The following CACNA1E variants were observed in gnomAD, a reference collection of about 807,000 sequenced individuals.
The protein encoded by CACNA1E is calcium voltage-gated channel subunit alpha1 E.
In CACNA1E, 40 loss-of-function variants were observed where a neutral mutation model predicts 259.2. The observed-to-expected ratio is 0.15, with a 90% confidence interval of 0.12 to 0.20. The LOEUF (loss-of-function observed/expected upper bound fraction) is 0.20. CACNA1E is among the 10% of genes least tolerant of loss of function. The probability of loss-of-function intolerance (pLI) is 1.00; values close to 1 mark genes in which losing one functional copy is unlikely to be tolerated. For synonymous variants in CACNA1E, 1,104 were observed against 1,138.5 expected, an observed-to-expected ratio of 0.97 and a Z score of 0.61; for missense variants, 1,874 against 3,040.1, an observed-to-expected ratio of 0.62 and a Z score of 9.02.
At chr1:181,716,339 C>A (rs373458375) in intron 10 of CACNA1E, among the ~76,000 whole-genome samples, 16 of 149,192 alleles carry the variant, frequency 1.1e-4, no homozygotes, top group Admixed American at 2.7e-4. Context: ...TTTATTCACA[C>A]GAAACATGGG....
intron 6 of CACNA1E, among the ~76,000 whole-genome samples, chr1:181,641,385 T>G (rs1657731559): frequency 6.6e-6 from 1 of 152,220 alleles, no homozygotes; most frequent in Non-Finnish European, 1.5e-5. Context: ...ATCTGATCCT[T>G]CAGGTCTTAC....
chr1:181,585,487 A>G (rs191892366), intron 6 of CACNA1E, among the ~76,000 whole-genome samples: 3 of 152,370 alleles, frequency 2.0e-5, no homozygotes, highest in Admixed American at 6.5e-5. Flanking sequence ...CCCGGCCCTC[A>G]TGGAACTTAT....
chr1:181,798,941 G>A lies in CACNA1E; in HGVS notation c.*107G>A. On this transcript the variant is annotated 3_prime_UTR_variant, in exon 48 of 48. Coordinates refer to ENST00000367573, the MANE Select transcript of CACNA1E (RefSeq NM_001205293.3). The surrounding 1 kb of genome is among the most constrained non-coding windows in gnomAD (Gnocchi z 4.2). ...GGGGAGGAAGAGGGAAAAGGAAGAT[G>A]GAAGGACACCATGCATTATCAGAGA... 1.0e-6 allele frequency: 1 copy of A among 970,934 alleles called. No homozygotes were observed. Among genetic ancestry groups the A allele is most frequent in the Non-Finnish European group, 1.5e-6 (1 of 689,448 alleles). The allele number at this position is 970,934 out of a possible 1,614,324, so 60.1% of individuals were successfully genotyped here. A position where few individuals can be genotyped will look rare whatever the true frequency, so the allele number is the denominator to read the frequency against.
intron 6 of CACNA1E, among the ~76,000 whole-genome samples, chr1:181,614,159 G>A (rs2103123806): frequency 6.6e-6 from 1 of 152,150 alleles, no homozygotes; most frequent in South Asian, 2.1e-4. Context: ...TAATGTTTTT[G>A]TACCTGCTGA....
chr1:181,430,683 G>A (rs1659655898), intron 2 of CACNA1E, among the ~76,000 whole-genome samples: 1 of 152,166 alleles, frequency 6.6e-6, no homozygotes, highest in Non-Finnish European at 1.5e-5. Context: ...TGCTCTATTT[G>A]TGCCTGTAGC....
intron 2 of CACNA1E, among the ~76,000 whole-genome samples, chr1:181,456,810 T>C (rs1661489244): frequency 6.6e-6 from 1 of 152,206 alleles, no homozygotes; most frequent in South Asian, 2.1e-4. Flanking sequence ...GAGCTAATAT[T>C]TACCTGCAGT....
At chr1:181,550,404 G>T (rs928831246) in intron 3 of CACNA1E, among the ~76,000 whole-genome samples, 1 of 152,164 alleles carries the variant, frequency 6.6e-6, no homozygotes, top group Non-Finnish European at 1.5e-5. Context: ...ATTCATCACT[G>T]CATGGTTGGT....
At chr1:181,792,360 CTG>C (rs1366343230) in intron 44 of CACNA1E, among the ~76,000 whole-genome samples, 1 of 152,222 alleles carries the variant, frequency 6.6e-6, no homozygotes. Context: ...ACACTCAACA[CTG>C]TGTACTTCTG....
chr1:181,596,821 A>G (rs2103046093), intron 6 of CACNA1E, among the ~76,000 whole-genome samples: 1 of 152,282 alleles, frequency 6.6e-6, no homozygotes, highest in Non-Finnish European at 1.5e-5. Flanking sequence ...AAAAGTTTCC[A>G]ACATTGTTAG....
At chr1:181,702,270 C>G (rs1439303495) in intron 7 of CACNA1E, among the ~76,000 whole-genome samples, 1 of 152,042 alleles carries the variant, frequency 6.6e-6, no homozygotes, top group Non-Finnish European at 1.5e-5. Flanking sequence ...CACTCCTCGT[C>G]CACCAGCCAG....
intron 1 of CACNA1E, among the ~76,000 whole-genome samples, chr1:181,489,070 G>A (rs972904998): frequency 3.9e-5 from 6 of 152,060 alleles, no homozygotes; most frequent in Admixed American, 1.3e-4. Context: ...CCTCCCTTAC[G>A]TCATGCACAG....
At chr1:181,565,430 C>T (rs1649724212) in intron 3 of CACNA1E, among the ~76,000 whole-genome samples, 1 of 152,182 alleles carries the variant, frequency 6.6e-6, no homozygotes, top group South Asian at 2.1e-4. Flanking sequence ...TCACTGTAGC[C>T]AGTTTTCTTC....
chr1:181,736,485 G>A, intron 22 of CACNA1E, 51 bp downstream of exon 22: 1 of 1,534,430 alleles, frequency 6.5e-7, no homozygotes, highest in Non-Finnish European at 8.9e-7. Flanking sequence ...AAACGGCCAG[G>A]TGTGAGGCAG....
chr1:181,706,290 C>T (rs207460734), intron 7 of CACNA1E, among the ~76,000 whole-genome samples: 5 of 152,048 alleles, frequency 3.3e-5, no homozygotes, highest in Admixed American at 6.5e-5. Flanking sequence ...CATCATCATC[C>T]GAATCACCCC....
chr1:181,372,807 T>C (rs1169021519), intron 1 of CACNA1E, among the ~76,000 whole-genome samples: 2 of 121,650 alleles, frequency 1.6e-5, no homozygotes, highest in Non-Finnish European at 3.4e-5. Context: ...GAAGGGATGT[T>C]GAATATATAT....
At chr1:181,671,443 C>G (rs1311440578) in intron 7 of CACNA1E, among the ~76,000 whole-genome samples, 2 of 152,176 alleles carry the variant, frequency 1.3e-5, no homozygotes, top group South Asian at 2.1e-4. Context: ...AGAAAACAAG[C>G]AAGCAAATAA....
At chr1:181,752,021 T>C (rs559503475) in intron 26 of CACNA1E, 122 bp from the exon 27 acceptor site, 4 of 766,860 alleles carry the variant, frequency 5.2e-6, no homozygotes, top group Non-Finnish European at 9.2e-6. Flanking sequence ...TTCTGGCTTC[T>C]TGCCTCCATC....
intron 1 of CACNA1E, among the ~76,000 whole-genome samples, chr1:181,341,851 T>C (rs1240567322): frequency 1.3e-5 from 2 of 152,190 alleles, no homozygotes; most frequent in Admixed American, 6.5e-5. Flanking sequence ...AAAGGTTTTA[T>C]TGAATGCTCA....
At chr1:181,403,129 T>A (rs1012692731) in intron 1 of CACNA1E, among the ~76,000 whole-genome samples, 1 of 152,138 alleles carries the variant, frequency 6.6e-6, no homozygotes, top group East Asian at 1.9e-4. Flanking sequence ...GACTGTGTGA[T>A]CCTAACCTCG....
Sources: allele counts gnomAD v4.1 joint callset (sites outside exome capture counted in the v4.1 genomes callset), GRCh38; gene constraint gnomAD v4.1.1; non-coding constraint Gnocchi (gnomAD v3.1); transcripts MANE v1.5; gene names NCBI Gene and HGNC (gene_info 2026-07-23, HGNC 2026-07-21).